SCAMP5: variants seen among roughly 807,000 people sequenced by gnomAD.
The protein encoded by SCAMP5 is secretory carrier-associated membrane protein 5.
Under a neutral mutation model 28.3 loss-of-function variants are expected in SCAMP5, and 7 were observed. The observed-to-expected ratio is 0.25, with a 90% confidence interval of 0.14 to 0.46. SCAMP5 has a LOEUF of 0.46. SCAMP5 is among the 20% of genes least tolerant of loss of function. SCAMP5 has a pLI of 0.99. For missense variants in SCAMP5, 192 were observed against 312.5 expected (o/e 0.61, Z 2.91); for synonymous variants, 117 against 116.4 (o/e 1.00, Z -0.03).
intron 1 of SCAMP5, among the ~76,000 whole-genome samples, chr15:75,004,334 T>C (rs757565225): frequency 3.9e-5 from 6 of 152,234 alleles, no homozygotes; most frequent in Non-Finnish European, 8.8e-5. Flanking sequence ...CATGCTTGTT[T>C]CTGCTTTATG....
chr15:75,016,296 G>T (rs2065858799), intron 3 of SCAMP5, among the ~76,000 whole-genome samples: 1 of 152,104 alleles, frequency 6.6e-6, no homozygotes, highest in Non-Finnish European at 1.5e-5. Context: ...GGGTTGAGGG[G>T]TGGGGGTTGG....
At chr15:75,013,390 G>A (rs2065831225) in intron 3 of SCAMP5, among the ~76,000 whole-genome samples, 1 of 152,110 alleles carries the variant, frequency 6.6e-6, no homozygotes, top group South Asian at 2.1e-4. Context: ...GCTCTGTGTT[G>A]GGTGGTCTAT....
chr15:75,013,232 C>G (rs145005881), intron 3 of SCAMP5: 102 of 158,946 alleles, frequency 6.4e-4, no homozygotes, highest in African/African-American at 2.3e-3. Context: ...GTCTTGCTTT[C>G]TCTGGAAGAT....
In SCAMP5 at chr15:75,019,541, A is replaced by G; in HGVS notation, c.*558A>G. On this transcript the variant is annotated 3_prime_UTR_variant, in exon 7 of 7. Coordinates refer to ENST00000425597, the MANE Select transcript of SCAMP5 (RefSeq NM_138967.4). ...ATTCCCTTGCTCTTTTGATCCCTCC[A>G]GGCCTCGCCTCCTTCAGCCTCCTCC... 1 of 153,444 alleles carries G rather than the reference A, an allele frequency of 6.5e-6. No homozygotes were observed. The highest frequency in any genetic ancestry group is 1.5e-5 in the Non-Finnish European group (1 of 68,642). The allele number at this position is 153,444 out of a possible 1,614,324, so 9.5% of individuals were successfully genotyped here.
intron 1 of SCAMP5, among the ~76,000 whole-genome samples, chr15:75,001,043 G>A (rs2065701986): frequency 6.7e-6 from 1 of 150,276 alleles, no homozygotes; most frequent in African/African-American, 2.4e-5. Context: ...GGCGGATCAC[G>A]AGGTCAGGAG....
In SCAMP5 at chr15:75,018,277, C is replaced by A; in HGVS notation, c.396-141C>A. The A allele has an allele frequency of 1.4e-6, 1 of 699,348 alleles. No homozygotes were observed. Among genetic ancestry groups the A allele is most frequent in the Middle Eastern group, 3.9e-4 (1 of 2,534 alleles). 43.3% of individuals were successfully genotyped at this position (699,348 alleles called of 1,614,324 possible). A position where few individuals can be genotyped will look rare whatever the true frequency, so the allele number is the denominator to read the frequency against. ...TCTTCTTGAGCCACTGGCACAGGTT[C>A]TTTGGGTATCAGTAAGATGGTCCCT... On this transcript the variant is annotated intron_variant, in intron 5 of 6. Transcript: ENST00000425597. The surrounding 1 kb of genome is among the most constrained non-coding windows in gnomAD (Gnocchi z 5.6).
chr15:75,002,608 G>A (rs2065720300), intron 1 of SCAMP5, among the ~76,000 whole-genome samples: 1 of 151,904 alleles, frequency 6.6e-6, no homozygotes, highest in African/African-American at 2.4e-5. Flanking sequence ...TTTCACATGG[G>A]AGCCCTCAGT....
At position 75,017,927 on chromosome 15, in the gene SCAMP5, C is replaced by G; in HGVS notation, c.351C>G (p.Val117=). ...AFFFTFMAQL[V]ISIIQAVGIP... ...TCTTTACCTTCATGGCTCAGTTGGT[C>G]ATCAGCATCATCCAGGCCGTGGGCA... Residue 117 remains valine, a synonymous_variant, in exon 5 of 7, where the codon GTC becomes GTG. Transcript: ENST00000425597. 5.6e-6 allele frequency: 9 copies of G among 1,613,854 alleles called. No homozygotes were observed. The highest frequency in any genetic ancestry group is 7.6e-6 in the Non-Finnish European group (9 of 1,179,788).
At position 75,018,021 on chromosome 15, in the gene SCAMP5, G is replaced by A. The variant is rs761712705; in HGVS notation, c.395+50G>A. 2.5e-5 allele frequency: 30 copies of A among 1,192,536 alleles called. No homozygotes were observed. In the Admixed American group the frequency reaches 4.5e-4, roughly 18 times the overall value. 73.9% of individuals were successfully genotyped at this position (1,192,536 alleles called of 1,614,324 possible). On this transcript the variant is annotated intron_variant, in intron 5 of 6. Transcript: ENST00000425597. The surrounding 1 kb of genome is among the most constrained non-coding windows in gnomAD (Gnocchi z 5.6). The stretch of plus-strand genomic sequence containing the variant: ...GGCTGGCAGGGGTGGCGTTGTGGGT[G>A]TATCTTTTGCTTACCTTTGTGTGCT...
chr15:75,001,734 A>T lies in SCAMP5; in HGVS notation c.-49+6061A>T, dbSNP rs574875673. Among the ~76,000 whole-genome samples the T allele has an allele frequency of 1.6e-4, 24 of 151,872 alleles. No homozygotes were observed. In the East Asian group the frequency reaches 4.7e-3, roughly 29 times the overall value. On this transcript the variant is annotated intron_variant, in intron 1 of 6. Coordinates refer to ENST00000425597, the MANE Select transcript of SCAMP5 (RefSeq NM_138967.4). The stretch of plus-strand genomic sequence containing the variant: ...AGATACAAAAAATTTGCCAGGTGCG[A>T]TGGCACGTGCCTGTAATTCCAGCTA...
chr15:75,013,348 T>C (rs2065829730), intron 3 of SCAMP5, among the ~76,000 whole-genome samples: 1 of 152,140 alleles, frequency 6.6e-6, no homozygotes, highest in Non-Finnish European at 1.5e-5. Context: ...AGGAAGAAAG[T>C]ATTGGCTTGG....
At position 75,018,764 on chromosome 15, in the gene SCAMP5, C is replaced by T. The variant is rs1484872147; in HGVS notation, c.514-25C>T. The T allele has an allele frequency of 6.4e-7, 1 of 1,573,102 alleles. No individual in the cohort carries two copies. The highest frequency in any genetic ancestry group is 2.2e-5 in the East Asian group (1 of 44,722). ...GGCTGCCTTTTCTCTTTGATTAACC[C>T]TTCTTTACGCTCTTTTTCCTACAGG... On this transcript the variant is annotated intron_variant, in intron 6 of 6. Coordinates refer to ENST00000425597, the MANE Select transcript of SCAMP5 (RefSeq NM_138967.4). This position sits in a 1 kb window ranked among gnomAD's most constrained non-coding sequence, Gnocchi z 5.6.
chr15:75,003,829 A>C (rs538020452), intron 1 of SCAMP5, among the ~76,000 whole-genome samples: 2 of 152,094 alleles, frequency 1.3e-5, no homozygotes, highest in Non-Finnish European at 2.9e-5. Flanking sequence ...AATAAATAAA[A>C]TAATGCAGTG....
chr15:75,011,729 A>G, intron 1 of SCAMP5, 63 bp from the exon 2 acceptor site: 2 of 830,874 alleles, frequency 2.4e-6, no homozygotes, highest in Non-Finnish European at 4.0e-6. Context: ...GATGAGGAGT[A>G]GAGAGGGACT....
intron 3 of SCAMP5, among the ~76,000 whole-genome samples, chr15:75,013,960 T>C (rs1289028204): frequency 6.6e-6 from 1 of 151,546 alleles, no homozygotes; most frequent in Non-Finnish European, 1.5e-5. Flanking sequence ...AGGTGTCTTC[T>C]TGGGGGGATG....
intron 1 of SCAMP5, among the ~76,000 whole-genome samples, chr15:75,010,356 G>T (rs1396244546): frequency 1.3e-5 from 2 of 152,142 alleles, no homozygotes; most frequent in South Asian, 2.1e-4. Context: ...TCCACTCGGG[G>T]TTAAGTGGGC....
rs2065711691 is a variant in SCAMP5, at chr15:75,001,864, G to A, written c.-49+6191G>A. 1.9e-5 allele frequency among the ~76,000 whole-genome samples: 2 copies of A among 107,304 alleles called. 1 individual carries two copies. The allele number at this position is 107,304 out of a possible 152,430, so 70.4% of individuals were successfully genotyped here. A position where few individuals can be genotyped will look rare whatever the true frequency, so the allele number is the denominator to read the frequency against. On this transcript the variant is annotated intron_variant, in intron 1 of 6. Transcript: ENST00000425597. Reference sequence around the variant, plus strand: ...CAGCCTGGGCAACAGGGCAAGACTCGGTCTCAAAAAAAAAAAAAAAAAAAA... The same window carrying A: ...CAGCCTGGGCAACAGGGCAAGACTCAGTCTCAAAAAAAAAAAAAAAAAAAA...
At chr15:74,998,304 G>A (rs961058050) in intron 1 of SCAMP5, among the ~76,000 whole-genome samples, 1 of 152,156 alleles carries the variant, frequency 6.6e-6, no homozygotes, top group Admixed American at 6.6e-5. Flanking sequence ...CTTCTGTTTT[G>A]TAGTCTAAGA....
intron 1 of SCAMP5, among the ~76,000 whole-genome samples, chr15:75,008,750 C>T (rs926353374): frequency 6.6e-6 from 1 of 152,146 alleles, no homozygotes; most frequent in Non-Finnish European, 1.5e-5. Flanking sequence ...GATCCTCCTG[C>T]CTTCGCCTCT....
Sources: allele counts gnomAD v4.1 joint callset (sites outside exome capture counted in the v4.1 genomes callset), GRCh38; gene constraint gnomAD v4.1.1; non-coding constraint Gnocchi (gnomAD v3.1); transcripts MANE v1.5; gene names NCBI Gene and HGNC (gene_info 2026-07-23, HGNC 2026-07-21).